The following EYA1 variants were observed in gnomAD, a reference collection of about 807,000 sequenced individuals.
The protein encoded by EYA1 is protein phosphatase EYA1.
EYA1 carries 16 observed loss-of-function variants against 82.0 expected under a neutral mutation model. The ratio of observed to expected loss-of-function variants is 0.20; its 90% CI spans 0.13 to 0.30. The LOEUF is 0.30. EYA1 is among the 10% of genes least tolerant of loss of function. The pLI is 1.00. For missense variants in EYA1, 633 were observed against 730.7 expected, an observed-to-expected ratio of 0.87 and a Z score of 1.54; for synonymous variants, 261 against 264.4, an observed-to-expected ratio of 0.99 and a Z score of 0.12.
At chr8:71,272,061 T>G (rs998113218) in intron 9 of EYA1, among the ~76,000 whole-genome samples, 164 bp from the exon 10 acceptor site, 6 of 152,180 alleles carry the variant, frequency 3.9e-5, no homozygotes, top group African/African-American at 1.4e-4. Flanking sequence ...TTATAAGATA[T>G]CTGATTACAA....
intron 9 of EYA1, among the ~76,000 whole-genome samples, chr8:71,290,758 C>T (rs1389105736): frequency 6.6e-6 from 1 of 151,854 alleles, no homozygotes; most frequent in Admixed American, 6.6e-5. Flanking sequence ...ACTTTATTTC[C>T]ATGAATTTTA....
chr8:71,271,618 T>C (rs988654000), intron 10 of EYA1, 140 bp downstream of exon 10: 3 of 903,688 alleles, frequency 3.3e-6, no homozygotes, highest in Non-Finnish European at 5.4e-6. Flanking sequence ...TATTACTTTA[T>C]CTATTGTTAA....
chr8:71,203,195 T>C (rs1350298665), intron 17 of EYA1, among the ~76,000 whole-genome samples: 1 of 152,168 alleles, frequency 6.6e-6, no homozygotes, highest in Non-Finnish European at 1.5e-5. Context: ...CTAGTTTCTT[T>C]ATAACATGAG....
intron 1 of EYA1, among the ~76,000 whole-genome samples, chr8:71,357,057 A>G (rs1055385187): frequency 5.3e-5 from 8 of 152,188 alleles, no homozygotes; most frequent in Non-Finnish European, 7.3e-5. Context: ...ACATTCACTA[A>G]AACAGCTTCT....
At chr8:71,356,559 G>C in intron 1 of EYA1, 48 bp from the exon 2 acceptor site, 1 of 1,545,670 alleles carries the variant, frequency 6.5e-7, no homozygotes, top group East Asian at 2.4e-5. Flanking sequence ...CTCTGCTTCA[G>C]TGTCAGCTCT....
intron 9 of EYA1, among the ~76,000 whole-genome samples, chr8:71,298,666 C>T (rs1009501945): frequency 1.3e-5 from 2 of 152,076 alleles, no homozygotes; most frequent in Non-Finnish European, 2.9e-5. Context: ...ATGAAAAACA[C>T]TAAATATTGA....
chr8:71,531,352 G>T (rs1343221796), intron 2 of EYA1: 1 of 152,106 alleles, frequency 6.6e-6, no homozygotes, highest in Non-Finnish European at 1.5e-5. Flanking sequence ...CCTGCCCCAG[G>T]TCATACAGCT....
rs956986631 is a variant in EYA1 at position 71,505,678 on chromosome 8, G to A, written c.33+30066C>T. ...TGCCACAGCCAGCTTGGAGAACCTG[G>A]CCTGCTCATTCCAGAAATATTGGCC... On this transcript the variant is annotated intron_variant, in intron 2 of 18. Coordinates refer to the EYA1 transcript ENST00000643681. Among the ~76,000 whole-genome samples, 10 of 152,260 alleles carry A rather than the reference G, an allele frequency of 6.6e-5. No individual in the cohort carries two copies. In the East Asian group the frequency reaches 1.7e-3, roughly 27 times the overall value.
At chr8:71,287,609 C>A (rs1446798836) in intron 9 of EYA1, among the ~76,000 whole-genome samples, 1 of 152,170 alleles carries the variant, frequency 6.6e-6, no homozygotes, top group Non-Finnish European at 1.5e-5. Flanking sequence ...TTTAAGCTCC[C>A]CACAGTCATT....
At chr8:71,460,701 A>G (rs1302504395) in intron 2 of EYA1, among the ~76,000 whole-genome samples, 2 of 152,134 alleles carry the variant, frequency 1.3e-5, no homozygotes, top group African/African-American at 4.8e-5. Context: ...CAAATGGAAA[A>G]CCATTGTGGA....
intron 11 of EYA1, among the ~76,000 whole-genome samples, chr8:71,247,897 G>A (rs547720002): frequency 6.6e-6 from 1 of 152,190 alleles, no homozygotes; most frequent in East Asian, 1.9e-4. Flanking sequence ...TGGCAAGGAT[G>A]GAGCCTCACC....
At chr8:71,356,733 A>C (rs1006961263) in intron 1 of EYA1, 6 of 1,224,612 alleles carry the variant, frequency 4.9e-6, no homozygotes, top group Non-Finnish European at 5.1e-6. Flanking sequence ...CAGGGGGGGA[A>C]GGCAGCCAAA....
chr8:71,199,247 A>G lies in EYA1; in HGVS notation c.*93T>C. On this transcript the variant is annotated 3_prime_UTR_variant, in exon 18 of 18. Transcript: ENST00000340726. ...GCGCATCACCAGGCGGAAATTGCTA[A>G]GTTCTGGAGGCCGGCGCTGATGCGA... 1 of 919,178 alleles carries G rather than the reference A, an allele frequency of 1.1e-6. No homozygotes were observed. Among genetic ancestry groups the G allele is most frequent in the Non-Finnish European group, 1.7e-6 (1 of 580,872 alleles). 56.9% of individuals were successfully genotyped at this position (919,178 alleles called of 1,614,324 possible). A position where few individuals can be genotyped will look rare whatever the true frequency, so the allele number is the denominator to read the frequency against.
intron 17 of EYA1, among the ~76,000 whole-genome samples, chr8:71,207,431 T>A (rs1807939562): frequency 1.3e-5 from 2 of 152,338 alleles, no homozygotes; most frequent in South Asian, 4.1e-4. Context: ...TTTTGCAAGA[T>A]TATTAGAAAT....
intron 2 of EYA1, among the ~76,000 whole-genome samples, chr8:71,488,369 T>C (rs947782191): frequency 2.0e-5 from 3 of 151,972 alleles, no homozygotes; most frequent in Non-Finnish European, 2.9e-5. Context: ...ATAAATAAAT[T>C]AGGATGTAGT....
chr8:71,271,858 T>A lies in EYA1; in HGVS notation c.866A>T (p.Asp289Val), dbSNP rs1029683507. Residue 289 changes from aspartate (D) to valine (V), a missense_variant, in exon 10 of 18, where the codon GAT (aspartate) becomes GTT (valine). Transcript: ENST00000340726. ...TIHSPSTPIK[D>V]SDSDRLRRGS... is the part of the protein sequence containing the mutation. ...TCGACGCAATCGATCAGAATCTGAATCTTTAATGGGTGTTGATGGGCTGTG... is the reference window on the plus strand; with the variant it reads ...TCGACGCAATCGATCAGAATCTGAAACTTTAATGGGTGTTGATGGGCTGTG... The A allele has an allele frequency of 6.2e-7, 1 of 1,614,094 alleles. No homozygotes were observed. Among genetic ancestry groups the A allele is most frequent in the Non-Finnish European group, 8.5e-7 (1 of 1,180,056 alleles).
chr8:71,290,527 G>C (rs1818881466), intron 9 of EYA1, among the ~76,000 whole-genome samples: 1 of 151,928 alleles, frequency 6.6e-6, no homozygotes, highest in Non-Finnish European at 1.5e-5. Context: ...ATAAATATAA[G>C]AAAGAATTAC....
At chr8:71,495,332 G>A (rs920192400) in intron 2 of EYA1, among the ~76,000 whole-genome samples, 1 of 152,004 alleles carries the variant, frequency 6.6e-6, no homozygotes, top group African/African-American at 2.4e-5. Context: ...TAAAATTTAG[G>A]GCTGGGCACG....
At chr8:71,207,484 G>A (rs1469394469) in intron 17 of EYA1, among the ~76,000 whole-genome samples, 1 of 152,156 alleles carries the variant, frequency 6.6e-6, no homozygotes, top group Non-Finnish European at 1.5e-5. Flanking sequence ...CATCCACACA[G>A]GCAGTTCTCA....
Sources: gnomAD v4.1 joint callset for allele counts (sites outside exome capture counted in the v4.1 genomes callset) on GRCh38, gnomAD v4.1.1 for gene constraint, MANE v1.5 for transcripts, NCBI Gene and HGNC (gene_info 2026-07-23, HGNC 2026-07-21) for gene names.